The following EPHX2 variants were observed in gnomAD, a reference collection of about 807,000 sequenced individuals.
EPHX2 encodes the protein bifunctional epoxide hydrolase 2.
EPHX2 carries 74 observed loss-of-function variants against 78.7 expected under a neutral mutation model. That is an observed-to-expected ratio of 0.94 (90% confidence interval 0.78 to 1.14). The LOEUF is 1.14. EPHX2 is among the 50% of genes most tolerant of loss of function. EPHX2 has a pLI of 0.00. For synonymous variants in EPHX2, 251 were observed against 255.2 expected (o/e 0.98, Z 0.16); for missense variants, 715 against 702.5 (o/e 1.02, Z -0.20).
intron 5 of EPHX2, 110 bp from the exon 6 acceptor site, chr8:27,511,726 T>G: frequency 9.0e-7 from 1 of 1,112,596 alleles, no homozygotes. Context: ...GGGCTCAGGA[T>G]GGAGTGGAAA....
intron 11 of EPHX2, 73 bp from the exon 12 acceptor site, chr8:27,525,289 G>A: frequency 1.4e-6 from 2 of 1,409,578 alleles, no homozygotes; most frequent in Non-Finnish European, 2.0e-6. Context: ...GTTTTGAACT[G>A]CAAAGTCCTT....
rs148334883 is a variant in EPHX2, at chr8:27,518,733, C to G, written c.945+661C>G. ...CACAGCCCTGTGGGGGCTTCTCCCC[C>G]TCATGTGTGCCCCACAGCTTCATGC... On this transcript the variant is annotated intron_variant, in intron 9 of 18. Coordinates refer to ENST00000521400, the MANE Select transcript of EPHX2 (RefSeq NM_001979.6). Among the ~76,000 whole-genome samples the G allele has an allele frequency of 1.3e-3, 199 of 152,368 alleles. 1 individual carries two copies. Among genetic ancestry groups the G allele is most frequent in the Non-Finnish European group, 2.6e-3 (177 of 68,040 alleles).
intron 3 of EPHX2, among the ~76,000 whole-genome samples, chr8:27,504,014 C>G (rs1165217717): frequency 6.6e-6 from 1 of 152,208 alleles, no homozygotes. Flanking sequence ...ACATCATTCT[C>G]CCCTTCAATG....
intron 9 of EPHX2, 32 bp from the exon 10 acceptor site, chr8:27,520,851 C>T: frequency 6.2e-7 from 1 of 1,614,160 alleles, no homozygotes; most frequent in East Asian, 2.2e-5. Context: ...GGTGTGGTTG[C>T]TGATTTTGCC....
At chr8:27,518,110 G>T in intron 9 of EPHX2, 38 bp downstream of exon 9, 1 of 1,576,184 alleles carries the variant, frequency 6.3e-7, no homozygotes, top group African/African-American at 1.4e-5. Flanking sequence ...CCCATCCTGC[G>T]ATTTTTGTTG....
chr8:27,512,424 C>T (rs1814287265), intron 6 of EPHX2, among the ~76,000 whole-genome samples: 1 of 152,216 alleles, frequency 6.6e-6, no homozygotes, highest in African/African-American at 2.4e-5. Context: ...ACAAGGGGTG[C>T]AGTGACGATC....
downstream of EPHX2, among the ~76,000 whole-genome samples, chr8:27,546,113 AT>A (rs1295217008): frequency 9.5e-5 from 14 of 146,606 alleles, no homozygotes; most frequent in African/African-American, 3.6e-4. Context: ...TGGGCAACAG[AT>A]TGAGACTCCG....
intron 4 of EPHX2, 128 bp downstream of exon 4, chr8:27,505,274 A>T: frequency 1.2e-6 from 1 of 862,600 alleles, no homozygotes; most frequent in Non-Finnish European, 1.8e-6. Flanking sequence ...CTTCTCCCAG[A>T]CCACGTCTTC....
At position 27,522,444 on chromosome 8, in the gene EPHX2, A is replaced by G. The variant is rs780402421; in HGVS notation, c.994A>G (p.Ile332Val). The change falls in exon 11 of 19, where the codon ATT becomes GTT. Residue 332 changes from isoleucine to valine, a missense_variant. By Grantham distance (29) the Ile-to-Val change is conservative. Coordinates refer to ENST00000521400, the MANE Select transcript of EPHX2 (RefSeq NM_001979.6). ...CTAGGGCCTCTCTCAAGCAGTGTTC[A>G]TTGGCCATGACTGGGGTGGCATGCT... ...DKLGLSQAVF[I>V]GHDWGGMLVW... 3 of 1,613,942 alleles carry G rather than the reference A, an allele frequency of 1.9e-6. No homozygotes were observed. In the East Asian group the frequency reaches 6.7e-5, roughly 36 times the overall value.
intron 5 of EPHX2, among the ~76,000 whole-genome samples, chr8:27,508,173 G>A (rs1814087339): frequency 6.6e-6 from 1 of 152,062 alleles, no homozygotes; most frequent in Non-Finnish European, 1.5e-5. Flanking sequence ...CATAGTGGTG[G>A]GCACCTGTAA....
At chr8:27,497,495 A>C (rs777511038) in intron 1 of EPHX2, among the ~76,000 whole-genome samples, 11 of 152,098 alleles carry the variant, frequency 7.2e-5, no homozygotes, top group Non-Finnish European at 1.5e-4. Flanking sequence ...CCTTTCTCTT[A>C]TCTCACTTTT....
chr8:27,538,543 G>A, intron 13 of EPHX2, 116 bp from the exon 14 acceptor site: 2 of 933,930 alleles, frequency 2.1e-6, no homozygotes, highest in East Asian at 2.6e-5. Flanking sequence ...GTCATAACAG[G>A]GTTTTCAGAT....
In EPHX2 at chr8:27,540,540, G is replaced by A; in HGVS notation, c.1277-14G>A. ...CCCGGGGATGGGAAAGTCAACAAGTGGCTTTTTTTGCAGGAGGACTTTTTG... is the reference window on the plus strand; with the variant it reads ...CCCGGGGATGGGAAAGTCAACAAGTAGCTTTTTTTGCAGGAGGACTTTTTG... On this transcript the variant is annotated splice_polypyrimidine_tract_variant and intron_variant, in intron 14 of 18. Transcript: ENST00000521400. 1 of 1,613,576 alleles carries A rather than the reference G, an allele frequency of 6.2e-7. No individual in the cohort carries two copies. Among genetic ancestry groups the A allele is most frequent in the Non-Finnish European group, 8.5e-7 (1 of 1,179,558 alleles).
chr8:27,523,754 C>A (rs1319713911), intron 11 of EPHX2, among the ~76,000 whole-genome samples: 1 of 152,138 alleles, frequency 6.6e-6, no homozygotes, highest in East Asian at 1.9e-4. Context: ...ATTCTAGCTT[C>A]TTCCTCTCTC....
At chr8:27,537,938 T>C (rs907030327) in intron 13 of EPHX2, among the ~76,000 whole-genome samples, 6 of 152,210 alleles carry the variant, frequency 3.9e-5, no homozygotes, top group Non-Finnish European at 8.8e-5. Context: ...TCTGCTTCAA[T>C]TGGGCTTGAG....
chr8:27,516,360 T>A lies in EPHX2; in HGVS notation c.872T>A (p.Met291Lys). The change falls in exon 8 of 19, where the codon ATG (methionine) becomes AAG (lysine). Residue 291 changes from methionine to lysine, a missense_variant. Coordinates refer to ENST00000521400, the MANE Select transcript of EPHX2 (RefSeq NM_001979.6). The part of the protein sequence containing the change: ...LAQAGYRVLA[M>K]DMKGYGESSA... ...CAGGCAGGTTACCGGGTCCTAGCTA[T>A]GGACATGAAAGGCTATGGAGAGTCA... is the stretch of plus-strand genomic sequence containing the variant. The A allele has an allele frequency of 6.2e-7, 1 of 1,614,080 alleles. No individual in the cohort carries two copies. The highest frequency in any genetic ancestry group is 8.5e-7 in the Non-Finnish European group (1 of 1,179,970).
At position 27,503,759 on chromosome 8, in the gene EPHX2, G is replaced by T. The variant is rs770949786; in HGVS notation, c.342G>T (p.Lys114Asn). 6.2e-7 allele frequency: 1 copy of T among 1,610,756 alleles called. No homozygotes were observed. Among genetic ancestry groups the T allele is most frequent in the Non-Finnish European group, 8.5e-7 (1 of 1,179,888 alleles). Residue 114 changes from lysine (K) to asparagine (N), a missense_variant, in exon 3 of 19, where the codon AAG (lysine) becomes AAT (asparagine). Lys to Asn is a moderately conservative substitution (Grantham distance 94, BLOSUM62 0). Transcript: ENST00000521400. ...TCCAGGCAGCTCTCATGCTCAGGAA[G>T]AAAGGTAAGGATCTGATACTGGCCA... The part of the protein sequence containing the change: ...PMLQAALMLR[K>N]KGFTTAILTN...
At chr8:27,501,334 T>C (rs183542993) in intron 2 of EPHX2, among the ~76,000 whole-genome samples, 2 of 76,136 alleles carry the variant, frequency 2.6e-5, no homozygotes, top group African/African-American at 1.3e-4. Context: ...TTTCTTCTTC[T>C]TCTTCTTCTT....
At chr8:27,535,086 GAGTC>G (rs1387871435) in intron 12 of EPHX2, among the ~76,000 whole-genome samples, 1 of 152,194 alleles carries the variant, frequency 6.6e-6, no homozygotes, top group Non-Finnish European at 1.5e-5. Flanking sequence ...AAGGAGAGGA[GAGTC>G]AGTTGGCATT....
Sources: allele counts gnomAD v4.1 joint callset (sites outside exome capture counted in the v4.1 genomes callset), GRCh38; gene constraint gnomAD v4.1.1; transcripts MANE v1.5; gene names NCBI Gene and HGNC (gene_info 2026-07-23, HGNC 2026-07-21).